The following SFMBT2 variants were observed in gnomAD, a reference collection of about 807,000 sequenced individuals.
SFMBT2 encodes Scm like with four mbt domains 2.
SFMBT2 carries 38 observed loss-of-function variants against 110.1 expected under a neutral mutation model. That is an observed-to-expected ratio of 0.35 (90% CI 0.27 to 0.45). The LOEUF (loss-of-function observed/expected upper bound fraction) is 0.45. Among genes scored for constraint, SFMBT2 ranks in the 20% least tolerant of loss-of-function variants. The probability of loss-of-function intolerance (pLI) is 1.00; values close to 1 mark genes in which losing one functional copy is unlikely to be tolerated. For synonymous variants in SFMBT2, 425 were observed against 425.4 expected (o/e 1.00, Z 0.01); for missense variants, 1,011 against 1,094.9 (o/e 0.92, Z 1.08).
At chr10:7,353,821 C>T (rs1354920277) in intron 4 of SFMBT2, among the ~76,000 whole-genome samples, 1 of 152,194 alleles carries the variant, frequency 6.6e-6, no homozygotes, top group African/African-American at 2.4e-5. Context: ...CACAGTGGCT[C>T]ATGCCTATAA....
chr10:7,279,584 G>A (rs945361206), intron 6 of SFMBT2, among the ~76,000 whole-genome samples: 5 of 152,090 alleles, frequency 3.3e-5, no homozygotes, highest in Non-Finnish European at 5.9e-5. Context: ...AAAGAACATC[G>A]ACCATTTTCT....
At chr10:7,184,021 CAA>C (rs1838322215) in intron 16 of SFMBT2, among the ~76,000 whole-genome samples, 1 of 152,150 alleles carries the variant, frequency 6.6e-6, no homozygotes, top group African/African-American at 2.4e-5. Flanking sequence ...GGAGTGGAGG[CAA>C]AGTTTTTCCT....
Position 7,390,749 on chromosome 10 carries a change from A to G in SFMBT2, c.-51-8800T>C, listed in dbSNP as rs927425542. On this transcript the variant is annotated intron_variant, in intron 1 of 20. Coordinates refer to ENST00000397167, the MANE Select transcript of SFMBT2 (RefSeq NM_001387889.1). Reference sequence around the variant, plus strand: ...ATTACCCATTTGCCTCTAACTAGACACTACAGAACAGTAATCTGAGACTGT... The same window carrying G: ...ATTACCCATTTGCCTCTAACTAGACGCTACAGAACAGTAATCTGAGACTGT... Among the ~76,000 whole-genome samples the G allele has an allele frequency of 2.0e-5, 3 of 152,244 alleles. No homozygotes were observed. The South Asian group carries it at 6.2e-4, about 31-fold the overall frequency.
intron 4 of SFMBT2, among the ~76,000 whole-genome samples, chr10:7,326,895 C>A (rs1382759705): frequency 6.6e-6 from 1 of 152,140 alleles, no homozygotes; most frequent in Non-Finnish European, 1.5e-5. Context: ...TTTTGGTGTT[C>A]CCCTTGGGGA....
chr10:7,186,429 C>CAT (rs35734560), intron 16 of SFMBT2, among the ~76,000 whole-genome samples: 52,130 of 130,652 alleles, frequency 0.4, 10,325 homozygotes, highest in East Asian at 0.74. Context: ...TATATATACA[C>CAT]ACACACACAC....
intron 2 of SFMBT2, among the ~76,000 whole-genome samples, chr10:7,380,999 T>C (rs1423944641): frequency 1.3e-5 from 2 of 152,086 alleles, no homozygotes; most frequent in Non-Finnish European, 2.9e-5. Context: ...CAGTGAGCCA[T>C]GATTGCACCA....
At chr10:7,337,893 A>G (rs577259244) in intron 4 of SFMBT2, among the ~76,000 whole-genome samples, 4 of 152,312 alleles carry the variant, frequency 2.6e-5, no homozygotes, top group African/African-American at 9.6e-5. Flanking sequence ...TAATCTTCAA[A>G]TACTTTCTGG....
At position 7,197,458 on chromosome 10, in the gene SFMBT2, C is replaced by T. The variant is rs913860643; in HGVS notation, c.1698+90G>A. The stretch of plus-strand genomic sequence containing the variant: ...CGGTAAATGCCAGCTGAACTGCTTC[C>T]AATGCCTATTCCCTCCTTCAGAAAC... On this transcript the variant is annotated intron_variant, in intron 15 of 20. Coordinates refer to ENST00000397167, the MANE Select transcript of SFMBT2 (RefSeq NM_001387889.1). 6.6e-6 allele frequency: 10 copies of T among 1,526,042 alleles called. No individual in the cohort carries two copies. In the African/African-American group the frequency reaches 1.2e-4, roughly 19 times the overall value. The allele number at this position is 1,526,042 out of a possible 1,614,324, so 94.5% of individuals were successfully genotyped here.
rs368270412 is a variant in SFMBT2 at position 7,217,067 on chromosome 10, T to C, written c.1330+3344A>G. 2.8e-4 allele frequency among the ~76,000 whole-genome samples: 43 copies of C among 152,314 alleles called. 1 individual carries two copies. In the South Asian group the frequency reaches 8.3e-3, roughly 29 times the overall value. On this transcript the variant is annotated intron_variant, in intron 11 of 20. Transcript: ENST00000397167. ...TATTTATGATTGATAATAAATCTTG[T>C]AAAAGGCCATTTTCAGACAAATCCA...
intron 1 of SFMBT2, among the ~76,000 whole-genome samples, chr10:7,405,933 G>A (rs905336949): frequency 3.4e-5 from 5 of 149,128 alleles, no homozygotes; most frequent in African/African-American, 1.2e-4. Flanking sequence ...TTGTTGTGAC[G>A]CATAATTTCC....
intron 1 of SFMBT2, among the ~76,000 whole-genome samples, chr10:7,400,676 C>T (rs1432763698): frequency 1.3e-5 from 2 of 152,196 alleles, no homozygotes; most frequent in African/African-American, 4.8e-5. Context: ...TGCATTTGGC[C>T]GAACTTCTTT....
rs534654166 is a variant in SFMBT2 at position 7,171,205 on chromosome 10, C to A, written c.2416-149G>T. Reference sequence around the variant, plus strand: ...GGCACCTGAAAAAGCTGCACACACTCTCAGTCCCTGAGAAAGTTCTTGGCT... The same window carrying A: ...GGCACCTGAAAAAGCTGCACACACTATCAGTCCCTGAGAAAGTTCTTGGCT... On this transcript the variant is annotated intron_variant, in intron 19 of 20. Transcript: ENST00000397167. The surrounding 1 kb of genome is among the most constrained non-coding windows in gnomAD (Gnocchi z 4.9). 4.3e-6 allele frequency: 6 copies of A among 1,404,708 alleles called. No individual in the cohort carries two copies. The Admixed American group carries it at 8.2e-5, about 19-fold the overall frequency. The allele number at this position is 1,404,708 out of a possible 1,614,324, so 87.0% of individuals were successfully genotyped here.
At chr10:7,317,839 C>T (rs1843062801) in intron 4 of SFMBT2, among the ~76,000 whole-genome samples, 1 of 152,052 alleles carries the variant, frequency 6.6e-6, no homozygotes, top group African/African-American at 2.4e-5. Context: ...TGCACAAAAA[C>T]CCCTGGTGGG....
At chr10:7,340,672 A>AG (rs2131982690) in intron 4 of SFMBT2, among the ~76,000 whole-genome samples, 1 of 151,732 alleles carries the variant, frequency 6.6e-6, no homozygotes, top group African/African-American at 2.4e-5. Context: ...AAAAAAAAAA[A>AG]AAAATACTGC....
chr10:7,211,086 G>A (rs139492781), intron 11 of SFMBT2, among the ~76,000 whole-genome samples: 112 of 152,208 alleles, frequency 7.4e-4, no homozygotes, highest in Middle Eastern at 3.4e-3. Flanking sequence ...TCCAGCGGCC[G>A]GCAAGTGGCA....
intron 4 of SFMBT2, among the ~76,000 whole-genome samples, chr10:7,305,697 C>G (rs934268392): frequency 1.3e-5 from 2 of 152,200 alleles, no homozygotes; most frequent in African/African-American, 2.4e-5. Flanking sequence ...ATTGACTTAG[C>G]AAAGGTCTAC....
intron 1 of SFMBT2, among the ~76,000 whole-genome samples, chr10:7,402,093 A>G (rs996611980): frequency 2.0e-5 from 3 of 151,452 alleles, no homozygotes; most frequent in African/African-American, 4.9e-5. Context: ...CAAGATGGTG[A>G]CTACTGAGTA....
chr10:7,335,486 A>G (rs1843691224), intron 4 of SFMBT2, among the ~76,000 whole-genome samples: 1 of 151,922 alleles, frequency 6.6e-6, no homozygotes. Context: ...CCCGGTTGCT[A>G]TGGAGAATCT....
At chr10:7,368,400 A>G in intron 3 of SFMBT2, 1 of 984,192 alleles carries the variant, frequency 1.0e-6, no homozygotes, top group Non-Finnish European at 1.2e-6. Flanking sequence ...TCAACCCCAG[A>G]AAAAGCTTTC....
Sources: gnomAD v4.1 joint callset for allele counts (sites outside exome capture counted in the v4.1 genomes callset) on GRCh38, gnomAD v4.1.1 for gene constraint, Gnocchi (gnomAD v3.1) non-coding constraint, MANE v1.5 for transcripts, NCBI Gene and HGNC (gene_info 2026-07-23, HGNC 2026-07-21) for gene names.